SUN1: variants seen among roughly 807,000 people sequenced by gnomAD.
The protein encoded by SUN1 is SUN domain-containing protein 1.
A neutral mutation model predicts 103.2 loss-of-function variants in SUN1; 61 were observed. That is an observed-to-expected ratio of 0.59 (90% confidence interval 0.48 to 0.73). The LOEUF (loss-of-function observed/expected upper bound fraction) is 0.73. Ranked by LOEUF, SUN1 falls within the 30% of genes least tolerant of loss-of-function variation. The probability of loss-of-function intolerance (pLI) is 0.00; values close to 1 mark genes in which losing one functional copy is unlikely to be tolerated. For missense variants in SUN1, 1,052 were observed against 1,034.6 expected (o/e 1.02, Z -0.23); for synonymous variants, 490 against 425.7 (o/e 1.15, Z -1.86).
intron 1 of SUN1, among the ~76,000 whole-genome samples, chr7:825,149 C>T (rs1172599202): frequency 6.6e-6 from 1 of 152,062 alleles, no homozygotes; most frequent in African/African-American, 2.4e-5. Context: ...AGCTCCACCT[C>T]CCGGGTTCAC....
Position 843,444 on chromosome 7 carries a change from C to A in SUN1, c.582C>A (p.Arg194=). The stretch of plus-strand genomic sequence containing the variant: ...GCAACTGCAGCATGCTGTCCGAGCG[C>A]AAGGACGTGCTCACGGCGCACCCCG... The part of the protein sequence containing the change: ...SCSNCSMLSE[R]KDVLTAHPAA... The change falls in exon 5 of 19, where the codon CGC becomes CGA. Residue 194 remains arginine (R), a synonymous_variant. Coordinates refer to ENST00000401592, the MANE Select transcript of SUN1 (RefSeq NM_001130965.3). The A allele has an allele frequency of 7.4e-6, 12 of 1,614,188 alleles. No individual in the cohort carries two copies. The highest frequency in any genetic ancestry group is 1.0e-5 in the Non-Finnish European group (12 of 1,180,030).
chr7:829,142 C>G (rs965912892), upstream of SUN1, among the ~76,000 whole-genome samples: 1 of 152,208 alleles, frequency 6.6e-6, no homozygotes, highest in African/African-American at 2.4e-5. Flanking sequence ...TTTTCTGATG[C>G]CATTGAAAAC....
chr7:873,433 C>T lies in SUN1; in HGVS notation c.*102C>T, dbSNP rs1389221632. On this transcript the variant is annotated 3_prime_UTR_variant, in exon 19 of 19. Transcript: ENST00000401592. ...GGCATATACAATGATGGGACAGTGC[C>T]ACACTCCTTCAATAAACGTGGCTGC... 4.5e-6 allele frequency: 5 copies of T among 1,100,642 alleles called. No homozygotes were observed. Among genetic ancestry groups the T allele is most frequent in the Non-Finnish European group, 6.7e-6 (5 of 746,078 alleles). The allele number at this position is 1,100,642 out of a possible 1,614,324, so 68.2% of individuals were successfully genotyped here.
intron 16 of SUN1, among the ~76,000 whole-genome samples, chr7:867,941 G>T (rs755774958): frequency 9.2e-5 from 14 of 152,210 alleles, no homozygotes; most frequent in Non-Finnish European, 4.4e-5. Context: ...CCCCCAAGAG[G>T]GGTACCAGGG....
chr7:824,991 C>G (rs550945333), intron 1 of SUN1, among the ~76,000 whole-genome samples: 1 of 152,128 alleles, frequency 6.6e-6, no homozygotes, highest in South Asian at 2.1e-4. Flanking sequence ...CCCCAGAGGA[C>G]TGTCTGCCTG....
At chr7:843,318 C>T in intron 4 of SUN1, 23 bp from the exon 5 acceptor site, 1 of 1,604,338 alleles carries the variant, frequency 6.2e-7, no homozygotes, top group Non-Finnish European at 8.5e-7. Flanking sequence ...AAACAGGTTC[C>T]ATCTACTGTT....
intron 1 of SUN1, among the ~76,000 whole-genome samples, chr7:827,188 A>G (rs1243559739): frequency 6.6e-6 from 1 of 151,768 alleles, no homozygotes; most frequent in Non-Finnish European, 1.5e-5. Context: ...CGCCCGGCTA[A>G]GTTTTGTAGT....
intron 12 of SUN1, among the ~76,000 whole-genome samples, chr7:856,657 G>A (rs11761623): frequency 2.0e-5 from 3 of 152,182 alleles, no homozygotes; most frequent in African/African-American, 7.2e-5. Flanking sequence ...CCGCGCCCCT[G>A]CTGTGACCCG....
intron 1 of SUN1, among the ~76,000 whole-genome samples, chr7:838,411 T>C (rs1326759184): frequency 1.3e-5 from 2 of 152,084 alleles, no homozygotes; most frequent in African/African-American, 4.8e-5. Context: ...GGCGCACTGG[T>C]GTATTGGATT....
chr7:873,001 C>T (rs770715751), intron 18 of SUN1, among the ~76,000 whole-genome samples: 8 of 152,184 alleles, frequency 5.3e-5, no homozygotes, highest in Non-Finnish European at 1.2e-4. Context: ...GCAGGAGAAT[C>T]GCTTGAGCCC....
Position 873,239 on chromosome 7 carries a change from C to T in SUN1, c.2266C>T (p.Gln756Ter). 6.2e-7 allele frequency: 1 copy of T among 1,614,218 alleles called. No homozygotes were observed. The highest frequency in any genetic ancestry group is 8.5e-7 in the Non-Finnish European group (1 of 1,180,040). ...ALKRPDDTAF[Q>*]IVELRIFSNW... is the part of the protein sequence containing the mutation. Reference sequence around the variant, plus strand: ...GAAAAGACCCGACGACACAGCTTTCCAAATAGTGGAACTTCGGATTTTTTC... The same window carrying T: ...GAAAAGACCCGACGACACAGCTTTCTAAATAGTGGAACTTCGGATTTTTTC... Residue 756 changes from glutamine to a stop codon, truncating the protein, a stop_gained, in exon 19 of 19, where the codon CAA becomes TAA. Coordinates refer to ENST00000401592, the MANE Select transcript of SUN1 (RefSeq NM_001130965.3). LOFTEE classifies it high-confidence loss of function.
chr7:861,326 C>T (rs1003845972), intron 14 of SUN1, 54 bp from the exon 15 acceptor site: 46 of 1,588,362 alleles, frequency 2.9e-5, no homozygotes, highest in African/African-American at 2.0e-4. Context: ...CTAAAACCCA[C>T]GTCTCTCCTC....
intron 5 of SUN1, chr7:849,544 T>G: frequency 1.4e-6 from 2 of 1,390,892 alleles, no homozygotes; most frequent in Non-Finnish European, 1.9e-6. Context: ...TATGGGAGAA[T>G]GAATGTGAGA....
At chr7:843,917 G>A in intron 5 of SUN1, 1 of 1,140,486 alleles carries the variant, frequency 8.8e-7, no homozygotes. Context: ...GGTTATGCCA[G>A]TGTTCGTGTC....
At chr7:870,680 C>T (rs1840873136) in intron 17 of SUN1, among the ~76,000 whole-genome samples, 1 of 146,848 alleles carries the variant, frequency 6.8e-6, no homozygotes, top group African/African-American at 2.5e-5. Flanking sequence ...GCATCAATCC[C>T]CCGTGTTTAT....
intron 5 of SUN1, among the ~76,000 whole-genome samples, chr7:846,361 C>A (rs1219221768): frequency 6.6e-6 from 1 of 152,170 alleles, no homozygotes; most frequent in Non-Finnish European, 1.5e-5. Flanking sequence ...CCCACCTTGG[C>A]CTCCCAAAGT....
Position 832,910 on chromosome 7 carries a change from C to G in SUN1, c.77+309C>G, listed in dbSNP as rs190740316. 38 of 292,550 alleles carry G rather than the reference C, an allele frequency of 1.3e-4. 1 individual carries two copies. The highest frequency in any genetic ancestry group is 1.2e-3 in the South Asian group (13 of 10,496). The allele number at this position is 292,550 out of a possible 1,614,324, so 18.1% of individuals were successfully genotyped here. ...TGGTGATGCCTGGTGTTTGTGAGAA[C>G]GTATCAGTGGCTTGGTATTTTTAAG... is the stretch of plus-strand genomic sequence containing the variant. On this transcript the variant is annotated intron_variant, in intron 1 of 18. Transcript: ENST00000401592.
chr7:831,037 G>A (rs1797472742), upstream of SUN1: 1 of 984,726 alleles, frequency 1.0e-6, no homozygotes, highest in South Asian at 4.7e-5. Flanking sequence ...CTCTGCGTGT[G>A]GGTTGAATCT....
At chr7:872,842 A>C (rs908170385) in intron 18 of SUN1, among the ~76,000 whole-genome samples, 4 of 151,928 alleles carry the variant, frequency 2.6e-5, no homozygotes, top group Non-Finnish European at 5.9e-5. Context: ...TAATCCCAGC[A>C]CTTTGCGGGG....
Sources: allele counts gnomAD v4.1 joint callset (sites outside exome capture counted in the v4.1 genomes callset), GRCh38; gene constraint gnomAD v4.1.1; transcripts MANE v1.5; gene names NCBI Gene and HGNC (gene_info 2026-07-23, HGNC 2026-07-21).